Variants in FSHR observed in about 807,000 individuals in gnomAD.
FSHR encodes follicle-stimulating hormone receptor.
In FSHR, 46 loss-of-function variants were observed where a neutral mutation model predicts 52.1. That is an observed-to-expected ratio of 0.88 (90% confidence interval 0.70 to 1.13). The LOEUF (loss-of-function observed/expected upper bound fraction) is 1.13. FSHR is among the 50% of genes most tolerant of loss of function. The pLI is 0.00. For missense variants in FSHR, 964 were observed against 834.6 expected, an observed-to-expected ratio of 1.16 and a Z score of -1.91; for synonymous variants, 399 against 309.6, an observed-to-expected ratio of 1.29 and a Z score of -3.03.
At chr2:49,105,094 G>A (rs375645789) in intron 1 of FSHR, among the ~76,000 whole-genome samples, 1 of 152,094 alleles carries the variant, frequency 6.6e-6, no homozygotes, top group Admixed American at 6.6e-5. Context: ...CAGGGAGTGG[G>A]TACTGAGACC....
At chr2:48,966,396 G>A (rs1674478725) in intron 9 of FSHR, among the ~76,000 whole-genome samples, 1 of 152,112 alleles carries the variant, frequency 6.6e-6, no homozygotes, top group Admixed American at 6.5e-5. Context: ...AATAAAATGA[G>A]AGCAAAGTAA....
At chr2:49,007,799 T>C (rs974679099) in intron 4 of FSHR, among the ~76,000 whole-genome samples, 2 of 152,094 alleles carry the variant, frequency 1.3e-5, no homozygotes, top group Non-Finnish European at 2.9e-5. Context: ...GAATGGATAA[T>C]ATACCAGAAG....
intron 1 of FSHR, among the ~76,000 whole-genome samples, chr2:49,092,884 T>C (rs1431977466): frequency 6.6e-6 from 1 of 152,182 alleles, no homozygotes; most frequent in Non-Finnish European, 1.5e-5. Flanking sequence ...CAGGCTGGTC[T>C]CGAACTCCTG....
Position 48,963,896 on chromosome 2 carries a change from C to T in FSHR, c.925G>A (p.Gly309Ser). 1 of 1,613,170 alleles carries T rather than the reference C, an allele frequency of 6.2e-7. No homozygotes were observed. The highest frequency in any genetic ancestry group is 8.5e-7 in the Non-Finnish European group (1 of 1,179,246). ...QEVDYMTQAR[G>S]QRSSLAEDNE... ...TCTTCTGCCAGAGAGGATCTCTGACCCCTAGCCTGAGTCATATAATCAACT... is the reference window on the plus strand; with the variant it reads ...TCTTCTGCCAGAGAGGATCTCTGACTCCTAGCCTGAGTCATATAATCAACT... Residue 309 changes from glycine to serine, a missense_variant, in exon 10 of 10, where the codon GGT becomes AGT. Coordinates refer to ENST00000406846, the MANE Select transcript of FSHR (RefSeq NM_000145.4).
At chr2:49,113,179 C>A (rs1049285062) in intron 1 of FSHR, among the ~76,000 whole-genome samples, 11 of 152,182 alleles carry the variant, frequency 7.2e-5, no homozygotes, top group Non-Finnish European at 1.5e-4. Context: ...GATGGCACAG[C>A]ACCTCCAGAC....
intron 4 of FSHR, among the ~76,000 whole-genome samples, chr2:49,013,904 C>T (rs1406193298): frequency 6.6e-6 from 1 of 151,926 alleles, no homozygotes; most frequent in African/African-American, 2.4e-5. Context: ...AGGATGAATG[C>T]CCTTACAAAA....
chr2:49,020,031 T>C, intron 3 of FSHR, 55 bp downstream of exon 3: 1 of 1,453,468 alleles, frequency 6.9e-7, no homozygotes. Flanking sequence ...GTAGAAGAAC[T>C]TTAAGGGTTT....
At chr2:49,127,792 T>A (rs562534861) in intron 1 of FSHR, among the ~76,000 whole-genome samples, 3 of 54,586 alleles carry the variant, frequency 5.5e-5, no homozygotes, top group African/African-American at 2.3e-4. Context: ...TTCTTCTTCT[T>A]CTTCTTCTTC....
intron 1 of FSHR, among the ~76,000 whole-genome samples, chr2:49,102,906 G>C (rs939782502): frequency 4.6e-5 from 7 of 152,116 alleles, no homozygotes; most frequent in African/African-American, 1.7e-4. Flanking sequence ...AGGCATCCTT[G>C]AAATCGGATT....
chr2:49,133,048 C>G lies in FSHR; in HGVS notation c.152+21218G>C, dbSNP rs545699788. On this transcript the variant is annotated intron_variant, in intron 1 of 9. Coordinates refer to ENST00000406846, the MANE Select transcript of FSHR (RefSeq NM_000145.4). Reference sequence around the variant, plus strand: ...CCGCTTGCTCCCTCTCCTCTCATCTCAGAGCGGGTGGAGACCCCACTCCAG... The same window carrying G: ...CCGCTTGCTCCCTCTCCTCTCATCTGAGAGCGGGTGGAGACCCCACTCCAG... Among the ~76,000 whole-genome samples, 6 of 149,510 alleles carry G rather than the reference C, an allele frequency of 4.0e-5. No homozygotes were observed. The South Asian group carries it at 1.1e-3, about 27-fold the overall frequency.
At chr2:49,081,628 A>G (rs1670173734) in intron 1 of FSHR, among the ~76,000 whole-genome samples, 1 of 152,202 alleles carries the variant, frequency 6.6e-6, no homozygotes, top group Non-Finnish European at 1.5e-5. Context: ...TGATTTCTGT[A>G]AAGATTAAAT....
At chr2:49,000,573 G>T (rs1349195628) in intron 4 of FSHR, among the ~76,000 whole-genome samples, 5 of 152,148 alleles carry the variant, frequency 3.3e-5, no homozygotes, top group Non-Finnish European at 7.4e-5. Context: ...CTGGAAACCA[G>T]TTACACAATT....
rs1675326284 is a variant in FSHR, at chr2:48,983,090, C to A, written c.593+8G>T. On this transcript the variant is annotated splice_region_variant and intron_variant, in intron 7 of 9. Coordinates refer to ENST00000406846, the MANE Select transcript of FSHR (RefSeq NM_000145.4). ...AAATGGCCTTGAAGAATAGTCAGGG[C>A]TACTTACAGCTCATCTAGTTGGGTT... 6.2e-7 allele frequency: 1 copy of A among 1,613,598 alleles called. No individual in the cohort carries two copies. Among genetic ancestry groups the A allele is most frequent in the African/African-American group, 1.3e-5 (1 of 74,896 alleles).
intron 1 of FSHR, among the ~76,000 whole-genome samples, chr2:49,074,200 C>A (rs554958607): frequency 2.6e-4 from 38 of 145,852 alleles, no homozygotes; most frequent in African/African-American, 9.5e-4. Context: ...TTATGTCAAA[C>A]CAAAAAGCTT....
chr2:49,102,757 C>G (rs1157469247), intron 1 of FSHR, among the ~76,000 whole-genome samples: 1 of 151,954 alleles, frequency 6.6e-6, no homozygotes, highest in Non-Finnish European at 1.5e-5. Context: ...TGAGTTGTAT[C>G]CGAAATAATA....
intron 2 of FSHR, among the ~76,000 whole-genome samples, chr2:49,044,649 C>T (rs1668593874): frequency 6.6e-6 from 1 of 152,102 alleles, no homozygotes; most frequent in Non-Finnish European, 1.5e-5. Context: ...CTGTTTCCCC[C>T]ATCCCCCTCC....
chr2:49,006,141 C>T (rs1667067967), intron 4 of FSHR, among the ~76,000 whole-genome samples: 1 of 152,040 alleles, frequency 6.6e-6, no homozygotes, highest in Non-Finnish European at 1.5e-5. Context: ...GTTGTGGGAC[C>T]TTGTGATTGT....
chr2:49,108,431 A>G (rs1397493357), intron 1 of FSHR, among the ~76,000 whole-genome samples: 2 of 151,960 alleles, frequency 1.3e-5, no homozygotes, highest in African/African-American at 2.4e-5. Flanking sequence ...ACCTGGGTTT[A>G]TTTGCCCTCT....
chr2:49,014,366 C>T lies in FSHR; in HGVS notation c.374+3123G>A, dbSNP rs558120461. Among the ~76,000 whole-genome samples, 3 of 152,218 alleles carry T rather than the reference C, an allele frequency of 2.0e-5. No homozygotes were observed. The South Asian group carries it at 6.2e-4, about 32-fold the overall frequency. On this transcript the variant is annotated intron_variant, in intron 4 of 9. Transcript: ENST00000406846. ...GAACTTGATACAGGACTGAGGACTA[C>T]TCAACACCCCAAAGTGAGACAGAAA...
Sources: gnomAD v4.1 joint callset for allele counts (sites outside exome capture counted in the v4.1 genomes callset) on GRCh38, gnomAD v4.1.1 for gene constraint, MANE v1.5 for transcripts, NCBI Gene and HGNC (gene_info 2026-07-23, HGNC 2026-07-21) for gene names.